The following FRMPD1 variants were observed in gnomAD, a reference collection of about 807,000 sequenced individuals.
The protein encoded by FRMPD1 is FERM and PDZ domain containing 1.
FRMPD1 carries 76 observed loss-of-function variants against 117.8 expected under a neutral mutation model. The ratio of observed to expected loss-of-function variants is 0.65; its 90% CI spans 0.54 to 0.78. The LOEUF (loss-of-function observed/expected upper bound fraction) is 0.78, where lower values mean the gene tolerates loss of function less well. Among genes scored for constraint, FRMPD1 ranks in the 30% least tolerant of loss-of-function variants. FRMPD1 has a pLI of 0.00. For missense variants in FRMPD1, 1,786 were observed against 1,964.5 expected, an observed-to-expected ratio of 0.91 and a Z score of 1.72; for synonymous variants, 783 against 770.4, an observed-to-expected ratio of 1.02 and a Z score of -0.27.
intron 8 of FRMPD1, among the ~76,000 whole-genome samples, chr9:37,730,113 G>A (rs1823803991): frequency 6.6e-6 from 1 of 152,158 alleles, no homozygotes; most frequent in African/African-American, 2.4e-5. Context: ...AGAGAGGTAA[G>A]GTGACTTTCT....
At chr9:37,737,319 G>A (rs1588970117) in intron 14 of FRMPD1, 76 bp downstream of exon 14, 2 of 1,379,316 alleles carry the variant, frequency 1.4e-6, no homozygotes, top group Non-Finnish European at 2.0e-6. Flanking sequence ...CCTAAAGGGA[G>A]GTGGTGAATT....
intron 2 of FRMPD1, among the ~76,000 whole-genome samples, chr9:37,693,975 C>A (rs2118043355): frequency 6.6e-6 from 1 of 152,302 alleles, no homozygotes; most frequent in South Asian, 2.1e-4. Flanking sequence ...ATTGTGCTCC[C>A]CCTGGTGCAT....
the FRMPD1 span, chr9:37,637,236 C>T: frequency 6.2e-7 from 1 of 1,610,428 alleles, no homozygotes; most frequent in Non-Finnish European, 8.5e-7. Context: ...CATGACTTGC[C>T]CACGCCTGAG....
rs564027165 is a variant in FRMPD1, at chr9:37,680,290, G to A, written c.-4-12348G>A. On this transcript the variant is annotated intron_variant, in intron 1 of 15. Coordinates refer to ENST00000377765, the MANE Select transcript of FRMPD1 (RefSeq NM_014907.3). ...GACGATGCCCTGAACTAGTGTTCCC[G>A]AAGGCTTGTCTTTGTACCACACGAC... 4.5e-4 allele frequency among the ~76,000 whole-genome samples: 69 copies of A among 152,234 alleles called. 1 individual carries two copies. The South Asian group carries it at 8.3e-3, about 18-fold the overall frequency.
chr9:37,717,237 G>A (rs376412069), intron 5 of FRMPD1, among the ~76,000 whole-genome samples: 4 of 151,128 alleles, frequency 2.6e-5, no homozygotes, highest in Non-Finnish European at 4.4e-5. Context: ...CATATTGGCT[G>A]TTAGTGATCA....
the FRMPD1 span, among the ~76,000 whole-genome samples, chr9:37,642,635 G>A: frequency 6.6e-6 from 1 of 152,134 alleles, no homozygotes; most frequent in African/African-American, 2.4e-5. Flanking sequence ...TAATTCCAGA[G>A]GGCTCTGTTT....
At chr9:37,720,493 T>C (rs1164628703) in intron 6 of FRMPD1, among the ~76,000 whole-genome samples, 4 of 151,968 alleles carry the variant, frequency 2.6e-5, no homozygotes, top group African/African-American at 9.7e-5. Flanking sequence ...CGAAACCCCA[T>C]CTCTATTAAA....
the FRMPD1 span, among the ~76,000 whole-genome samples, chr9:37,627,615 G>C: frequency 6.6e-6 from 1 of 152,158 alleles, no homozygotes; most frequent in African/African-American, 2.4e-5. Context: ...TTGGCTACAG[G>C]CCCATGCCAC....
At chr9:37,649,690 T>C (rs1005040574), upstream of FRMPD1, among the ~76,000 whole-genome samples, 5 of 152,194 alleles carry the variant, frequency 3.3e-5, no homozygotes, top group African/African-American at 7.2e-5. Context: ...CATCTGCCTG[T>C]GCACCATCCC....
chr9:37,708,906 T>G (rs950753071), intron 4 of FRMPD1, among the ~76,000 whole-genome samples: 1 of 152,218 alleles, frequency 6.6e-6, no homozygotes, highest in African/African-American at 2.4e-5. Flanking sequence ...TCCCTCTTGA[T>G]ATATCTTCTT....
chr9:37,610,209 G>A, the FRMPD1 span, among the ~76,000 whole-genome samples: 1 of 152,200 alleles, frequency 6.6e-6, no homozygotes, highest in Middle Eastern at 3.4e-3. Flanking sequence ...ACATAGTTAC[G>A]GGATACATGT....
rs1822181225 is a variant in FRMPD1, at chr9:37,692,660, A to G, written c.19A>G (p.Ser7Gly). MEELETSLFQTRKAHRI... is the reference protein window; with the variant it reads MEELETGLFQTRKAHRI... The stretch of plus-strand genomic sequence containing the variant: ...TAGGTAAATGGAAGAGCTGGAGACC[A>G]GTTTATTCCAGACACGGAAAGCACA... Residue 7 changes from serine to glycine, a missense_variant, in exon 2 of 16, where the codon AGT becomes GGT. Ser to Gly is a moderately conservative substitution (Grantham distance 56, BLOSUM62 0). Transcript: ENST00000377765. The G allele has an allele frequency of 1.9e-6, 3 of 1,612,308 alleles. No individual in the cohort carries two copies. Among genetic ancestry groups the G allele is most frequent in the Non-Finnish European group, 2.5e-6 (3 of 1,178,302 alleles).
At chr9:37,655,748 C>A (rs1820823140) in intron 1 of FRMPD1, among the ~76,000 whole-genome samples, 1 of 151,948 alleles carries the variant, frequency 6.6e-6, no homozygotes, top group African/African-American at 2.4e-5. Context: ...TGTGATCCAC[C>A]CGCCTCGGCC....
intron 1 of FRMPD1, among the ~76,000 whole-genome samples, chr9:37,689,897 T>C (rs1312809308): frequency 6.6e-6 from 1 of 152,178 alleles, no homozygotes; most frequent in African/African-American, 2.4e-5. Context: ...TTCATTTGTT[T>C]GTATGTAATC....
At chr9:37,734,318 G>A (rs894350914) in intron 12 of FRMPD1, among the ~76,000 whole-genome samples, 4 of 152,144 alleles carry the variant, frequency 2.6e-5, no homozygotes, top group Non-Finnish European at 4.4e-5. Context: ...AGGAAAATTG[G>A]AAATCATGAA....
intron 5 of FRMPD1, among the ~76,000 whole-genome samples, 177 bp from the exon 6 acceptor site, chr9:37,718,892 G>A (rs1478673902): frequency 2.0e-5 from 3 of 152,118 alleles, no homozygotes; most frequent in Non-Finnish European, 4.4e-5. Context: ...AACATTATCT[G>A]GCTTGGGATC....
intron 1 of FRMPD1, among the ~76,000 whole-genome samples, chr9:37,662,774 G>A (rs979195788): frequency 5.9e-5 from 9 of 151,566 alleles, no homozygotes; most frequent in Middle Eastern, 3.4e-3. Context: ...TGCCTTCTTG[G>A]AAAGAAAAAA....
chr9:37,640,675 T>A, the FRMPD1 span, among the ~76,000 whole-genome samples: 1 of 152,192 alleles, frequency 6.6e-6, no homozygotes, highest in Non-Finnish European at 1.5e-5. Context: ...GTTATCTTTG[T>A]CTGTCAATAG....
At chr9:37,707,749 G>A (rs969282269) in intron 3 of FRMPD1, among the ~76,000 whole-genome samples, 176 bp downstream of exon 3, 1 of 152,244 alleles carries the variant, frequency 6.6e-6, no homozygotes, top group African/African-American at 2.4e-5. Context: ...TGGGAGGGAG[G>A]AAGCCTCAAG....
Sources: allele counts gnomAD v4.1 joint callset (sites outside exome capture counted in the v4.1 genomes callset), GRCh38; gene constraint gnomAD v4.1.1; transcripts MANE v1.5; gene names NCBI Gene and HGNC (gene_info 2026-07-23, HGNC 2026-07-21).